The following ANAPC5 variants were observed in gnomAD, a reference collection of about 807,000 sequenced individuals.
The protein encoded by ANAPC5 is anaphase promoting complex subunit 5.
ANAPC5 carries 60 observed loss-of-function variants against 91.3 expected under a neutral mutation model. That is an observed-to-expected ratio of 0.66 (90% CI 0.53 to 0.81). The LOEUF (loss-of-function observed/expected upper bound fraction) is 0.81, where lower values mean the gene tolerates loss of function less well. Among genes scored for constraint, ANAPC5 ranks in the 40% least tolerant of loss-of-function variants. The probability of loss-of-function intolerance (pLI) is 0.00; values close to 1 mark genes in which losing one functional copy is unlikely to be tolerated. For missense variants in ANAPC5, 690 were observed against 931.5 expected (o/e 0.74, Z 3.37); for synonymous variants, 340 against 364.1 (o/e 0.93, Z 0.75).
At chr12:121,324,688 T>G (rs935300836) in intron 11 of ANAPC5, among the ~76,000 whole-genome samples, 7 of 152,108 alleles carry the variant, frequency 4.6e-5, no homozygotes, top group South Asian at 2.1e-4. Context: ...GGCCAGGAGT[T>G]CAAGATCAGC....
chr12:121,347,845 T>C lies in ANAPC5; in HGVS notation c.244A>G (p.Ile82Val), dbSNP rs782378980. Residue 82 changes from isoleucine to valine, a missense_variant, in exon 2 of 17, where the codon ATT (isoleucine) becomes GTT (valine). This residue lies in a region of ANAPC5 where 238 missense variants were observed against 264.9 expected (regional missense o/e 0.90). Transcript: ENST00000261819. ...GCCAGCTGTGGACAAGACTCTTCAATTAACTTGTAAAGTTTTGACAGTGTA... is the reference window on the plus strand; with the variant it reads ...GCCAGCTGTGGACAAGACTCTTCAACTAACTTGTAAAGTTTTGACAGTGTA... ...DITLSKLYKL[I>V]EESCPQLANS... 4 of 1,613,780 alleles carry C rather than the reference T, an allele frequency of 2.5e-6. No homozygotes were observed. In the African/African-American group the frequency reaches 5.3e-5, roughly 22 times the overall value.
At chr12:121,336,245 A>C (rs1254272295) in intron 6 of ANAPC5, among the ~76,000 whole-genome samples, 1 of 152,188 alleles carries the variant, frequency 6.6e-6, no homozygotes, top group Non-Finnish European at 1.5e-5. Context: ...ATATTTCTGC[A>C]CCCAAAGTCA....
At position 121,308,322 on chromosome 12, in the gene ANAPC5, A is replaced by T. The variant is rs569124210; in HGVS notation, c.*158T>A. The T allele has an allele frequency of 2.1e-5, 13 of 625,916 alleles. No individual in the cohort carries two copies. Among genetic ancestry groups the T allele is most frequent in the Non-Finnish European group, 3.5e-5 (13 of 366,316 alleles). The allele number at this position is 625,916 out of a possible 1,614,324, so 38.8% of individuals were successfully genotyped here. ...AAAGGGAAGAAAAGGGGAATAAAAC[A>T]AATACGTAGTTACTAGCAACAAAAT... On this transcript the variant is annotated 3_prime_UTR_variant, in exon 17 of 17. Coordinates refer to ENST00000261819, the MANE Select transcript of ANAPC5 (RefSeq NM_016237.5).
chr12:121,341,629 G>A (rs1252252352), intron 5 of ANAPC5, among the ~76,000 whole-genome samples: 4 of 152,212 alleles, frequency 2.6e-5, no homozygotes, highest in African/African-American at 9.6e-5. Flanking sequence ...AATATTAATT[G>A]TAGAATCGAG....
chr12:121,338,544 A>T (rs1903330172), intron 5 of ANAPC5, among the ~76,000 whole-genome samples: 1 of 152,148 alleles, frequency 6.6e-6, no homozygotes, highest in African/African-American at 2.4e-5. Flanking sequence ...AGCCGAAATC[A>T]CGCCACTGCA....
intron 15 of ANAPC5, among the ~76,000 whole-genome samples, chr12:121,312,739 G>C (rs996710192): frequency 1.4e-5 from 2 of 147,694 alleles, no homozygotes; most frequent in African/African-American, 5.1e-5. Flanking sequence ...AATTACCCTA[G>C]TGTGGTGGTG....
intron 15 of ANAPC5, among the ~76,000 whole-genome samples, chr12:121,314,784 C>T (rs1902289951): frequency 1.3e-5 from 2 of 152,066 alleles, no homozygotes; most frequent in African/African-American, 2.4e-5. Flanking sequence ...ACCACCACCA[C>T]TACACTCAGC....
At chr12:121,319,572 T>G (rs1902514429) in intron 13 of ANAPC5, 125 bp downstream of exon 13, 1 of 1,072,564 alleles carries the variant, frequency 9.3e-7, no homozygotes, top group African/African-American at 1.6e-5. Flanking sequence ...TTACCTGTAT[T>G]TTCTTATTTA....
intron 10 of ANAPC5, chr12:121,328,060 T>C (rs942091016): frequency 5.1e-6 from 2 of 392,148 alleles, no homozygotes; most frequent in African/African-American, 4.0e-5. Context: ...AACCCTGGTT[T>C]ACTCTCCCAG....
chr12:121,349,280 G>C (rs1903793686), intron 1 of ANAPC5, among the ~76,000 whole-genome samples: 1 of 152,278 alleles, frequency 6.6e-6, no homozygotes, highest in East Asian at 1.9e-4. Flanking sequence ...ACAGTAGGGG[G>C]CCAGGTGTGG....
At chr12:121,322,899 C>T (rs746754779) in intron 11 of ANAPC5, among the ~76,000 whole-genome samples, 24 of 152,040 alleles carry the variant, frequency 1.6e-4, no homozygotes, top group Admixed American at 5.9e-4. Context: ...GTGGCAGGTG[C>T]CTGTAATCCC....
At chr12:121,308,745 T>C in intron 16 of ANAPC5, 54 bp from the exon 17 acceptor site, 1 of 1,397,996 alleles carries the variant, frequency 7.2e-7, no homozygotes, top group Non-Finnish European at 1.0e-6. Context: ...TCACGTATAG[T>C]TTTCAAAACG....
chr12:121,322,801 T>C (rs1233264971), intron 11 of ANAPC5, among the ~76,000 whole-genome samples: 1 of 152,120 alleles, frequency 6.6e-6, no homozygotes, highest in African/African-American at 2.4e-5. Flanking sequence ...GGAGGGCAGA[T>C]CACTTGAGGC....
upstream of ANAPC5, among the ~76,000 whole-genome samples, chr12:121,352,738 T>TGGTGGTGGTG (rs1566202449): frequency 7.4e-5 from 2 of 26,924 alleles, no homozygotes; most frequent in South Asian, 1.5e-3. Context: ...TGGTGGTGGT[T>TGGTGGTGGTG]GTCGTTGTTG....
intron 15 of ANAPC5, among the ~76,000 whole-genome samples, chr12:121,316,142 G>A (rs1318337525): frequency 1.3e-5 from 2 of 152,144 alleles, no homozygotes; most frequent in Non-Finnish European, 2.9e-5. Flanking sequence ...GATCGGAATA[G>A]ACGTTTCTCC....
Position 121,346,132 on chromosome 12 carries a change from T to C in ANAPC5, c.398-101A>G. On this transcript the variant is annotated intron_variant, in intron 3 of 16. Coordinates refer to ENST00000261819, the MANE Select transcript of ANAPC5 (RefSeq NM_016237.5). ...AATGACTGTCTGCTGGAATTCTTCC[T>C]TCAGAAGAGTAAGAAAGAGACACTT... 5.3e-6 allele frequency: 5 copies of C among 944,308 alleles called. No homozygotes were observed. In the South Asian group the frequency reaches 8.6e-5, roughly 16 times the overall value. 58.5% of individuals were successfully genotyped at this position (944,308 alleles called of 1,614,324 possible). A position where few individuals can be genotyped will look rare whatever the true frequency, so the allele number is the denominator to read the frequency against.
chr12:121,319,558 C>G, intron 13 of ANAPC5, 139 bp downstream of exon 13: 1 of 890,496 alleles, frequency 1.1e-6, no homozygotes, highest in East Asian at 2.9e-5. Context: ...CCATGCCCAG[C>G]TGCTTACCTG....
At chr12:121,318,800 C>T (rs920689937) in intron 13 of ANAPC5, among the ~76,000 whole-genome samples, 192 bp from the exon 14 acceptor site, 1 of 152,122 alleles carries the variant, frequency 6.6e-6, no homozygotes, top group African/African-American at 2.4e-5. Context: ...GCGGGCGAAT[C>T]ACAAGGTTAG....
At chr12:121,344,015 A>G (rs1176001665) in intron 4 of ANAPC5, among the ~76,000 whole-genome samples, 2 of 152,260 alleles carry the variant, frequency 1.3e-5, no homozygotes, top group African/African-American at 4.8e-5. Context: ...GAAGTAAAAC[A>G]GCAAAAGGAA....
Sources: gnomAD v4.1 joint callset for allele counts (sites outside exome capture counted in the v4.1 genomes callset) on GRCh38, gnomAD v4.1.1 for gene constraint, gnomAD v4.1.1 regional missense constraint, MANE v1.5 for transcripts, NCBI Gene and HGNC (gene_info 2026-07-23, HGNC 2026-07-21) for gene names.